The following PDE4D variants were observed in gnomAD, a reference collection of about 807,000 sequenced individuals.
PDE4D encodes 3',5'-cyclic-AMP phosphodiesterase 4D.
PDE4D carries 24 observed loss-of-function variants against 87.4 expected under a neutral mutation model. The observed-to-expected ratio is 0.27, with a 90% confidence interval of 0.20 to 0.39. The LOEUF (loss-of-function observed/expected upper bound fraction) is 0.39. Ranked by LOEUF, PDE4D falls within the 10% of genes least tolerant of loss-of-function variation. PDE4D has a pLI of 1.00. For synonymous variants in PDE4D, 384 were observed against 383.2 expected (o/e 1.00, Z -0.02); for missense variants, 714 against 1,041.0 (o/e 0.69, Z 4.32).
At chr5:60,197,058 T>C (rs78186783) in intron 1 of PDE4D, among the ~76,000 whole-genome samples, 34 of 101,718 alleles carry the variant, frequency 3.3e-4, no homozygotes, top group African/African-American at 1.1e-3. Flanking sequence ...GATAGATAGA[T>C]AGATAGATAG....
chr5:59,878,930 G>T (rs1412339692), intron 1 of PDE4D, among the ~76,000 whole-genome samples: 2 of 111,570 alleles, frequency 1.8e-5, no homozygotes, highest in South Asian at 3.1e-4. Flanking sequence ...ACAGAGTCTC[G>T]CTCTGTCGCC....
chr5:60,251,479 A>G (rs775056445), intron 1 of PDE4D, among the ~76,000 whole-genome samples: 1 of 151,888 alleles, frequency 6.6e-6, no homozygotes, highest in African/African-American at 2.4e-5. Context: ...CCGTTTCTGC[A>G]TTAGTTTGTT....
intron 1 of PDE4D, among the ~76,000 whole-genome samples, chr5:59,347,482 C>G (rs1355121774): frequency 1.3e-5 from 2 of 152,114 alleles, no homozygotes; most frequent in Non-Finnish European, 2.9e-5. Context: ...AAAAATTAAT[C>G]TCACAGTTAT....
intron 1 of PDE4D, among the ~76,000 whole-genome samples, chr5:59,818,561 T>G (rs950046545): frequency 5.3e-5 from 8 of 152,222 alleles, no homozygotes; most frequent in Non-Finnish European, 8.8e-5. Flanking sequence ...TGGGCCTCAC[T>G]ACCTCTGGGA....
chr5:59,464,204 G>A (rs1335404571), intron 1 of PDE4D, among the ~76,000 whole-genome samples: 4 of 152,276 alleles, frequency 2.6e-5, no homozygotes, highest in East Asian at 1.9e-4. Flanking sequence ...CCCGACACCC[G>A]TAAAGGGTCT....
At chr5:59,138,149 T>G (rs1777396934) in intron 5 of PDE4D, among the ~76,000 whole-genome samples, 1 of 152,220 alleles carries the variant, frequency 6.6e-6, no homozygotes, top group Non-Finnish European at 1.5e-5. Context: ...AAGTTTCAGA[T>G]TTGAGAATGG....
intron 1 of PDE4D, among the ~76,000 whole-genome samples, chr5:59,229,360 G>A (rs4700325): frequency 0.29 from 43,697 of 152,008 alleles, 9,113 homozygotes; most frequent in African/African-American, 0.58. Context: ...TTAGCTAGGA[G>A]TTGGTCACTT....
chr5:59,816,580 T>C (rs1769003809), intron 1 of PDE4D, among the ~76,000 whole-genome samples: 1 of 152,226 alleles, frequency 6.6e-6, no homozygotes, highest in African/African-American at 2.4e-5. Context: ...GATAGCAGCA[T>C]GGCCTGTGAG....
chr5:59,988,733 A>C, intron 2 of PDE4D: 1 of 1,432,198 alleles, frequency 7.0e-7, no homozygotes, highest in East Asian at 2.3e-5. Flanking sequence ...GTAATAATTC[A>C]AGAAAGTACA....
At chr5:60,275,612 A>G (rs1751281065) in intron 1 of PDE4D, among the ~76,000 whole-genome samples, 1 of 151,946 alleles carries the variant, frequency 6.6e-6, no homozygotes, top group African/African-American at 2.4e-5. Context: ...TAACAGAAGC[A>G]AGGTTGTATA....
At chr5:60,310,942 C>T (rs1201966605) in intron 1 of PDE4D, among the ~76,000 whole-genome samples, 5 of 152,140 alleles carry the variant, frequency 3.3e-5, no homozygotes. Context: ...TAACATTCCC[C>T]ATACATAGGA....
chr5:59,963,774 AAC>A (rs1247657292), intron 3 of PDE4D, among the ~76,000 whole-genome samples: 4 of 152,126 alleles, frequency 2.6e-5, no homozygotes, highest in Admixed American at 6.6e-5. Flanking sequence ...TCAGGTGAGA[AAC>A]ACAGCCCTAT....
intron 1 of PDE4D, among the ~76,000 whole-genome samples, chr5:59,428,642 A>C (rs1175623552): frequency 1.3e-5 from 2 of 152,158 alleles, no homozygotes; most frequent in African/African-American, 4.8e-5. Context: ...ACAGATTCAA[A>C]AGAAGTTGAG....
chr5:59,652,273 T>C (rs1743634540), intron 1 of PDE4D, among the ~76,000 whole-genome samples: 1 of 152,218 alleles, frequency 6.6e-6, no homozygotes, highest in Admixed American at 6.5e-5. Context: ...AGTACACCAT[T>C]AGTCTCTGCC....
At chr5:60,420,626 G>A (rs370046400) in intron 1 of PDE4D, among the ~76,000 whole-genome samples, 63 of 152,286 alleles carry the variant, frequency 4.1e-4, no homozygotes, top group South Asian at 1.9e-3. Flanking sequence ...ACCTCCCAGC[G>A]TCATCGATGC....
chr5:60,236,707 G>C (rs543064432), intron 1 of PDE4D, among the ~76,000 whole-genome samples: 4 of 152,052 alleles, frequency 2.6e-5, no homozygotes, highest in Admixed American at 1.3e-4. Flanking sequence ...GGAAGACCCA[G>C]GCAGAAGAGG....
At chr5:59,131,979 C>T (rs1369890869) in intron 5 of PDE4D, among the ~76,000 whole-genome samples, 1 of 152,026 alleles carries the variant, frequency 6.6e-6, no homozygotes, top group Non-Finnish European at 1.5e-5. Context: ...ACAATCCTTC[C>T]TTCTTTCGGG....
intron 1 of PDE4D, among the ~76,000 whole-genome samples, chr5:59,499,659 A>G (rs1377480067): frequency 3.3e-5 from 5 of 152,114 alleles, no homozygotes; most frequent in Admixed American, 3.3e-4. Context: ...ATGCACAAAA[A>G]CTAGAAAACC....
At chr5:60,240,559 T>C (rs1746983578) in intron 1 of PDE4D, among the ~76,000 whole-genome samples, 1 of 152,064 alleles carries the variant, frequency 6.6e-6, no homozygotes, top group African/African-American at 2.4e-5. Flanking sequence ...CAGATAGTGG[T>C]TACAGCAGGC....
Sources: gnomAD v4.1 joint callset for allele counts (sites outside exome capture counted in the v4.1 genomes callset) on GRCh38, gnomAD v4.1.1 for gene constraint, MANE v1.5 for transcripts, NCBI Gene and HGNC (gene_info 2026-07-23, HGNC 2026-07-21) for gene names.